The following NDFIP2 variants were observed in gnomAD, a reference collection of about 807,000 sequenced individuals.
NDFIP2 encodes Nedd4 family interacting protein 2, also known as NEDD4 family-interacting protein 2.
A neutral mutation model predicts 36.0 loss-of-function variants in NDFIP2; 19 were observed. The observed-to-expected ratio is 0.53, with a 90% CI of 0.37 to 0.77. NDFIP2 has a LOEUF of 0.77. Ranked by LOEUF, NDFIP2 falls within the 30% of genes least tolerant of loss-of-function variation. The pLI is 0.00. For missense variants in NDFIP2, 446 were observed against 435.8 expected, an observed-to-expected ratio of 1.02 and a Z score of -0.21; for synonymous variants, 181 against 167.7, an observed-to-expected ratio of 1.08 and a Z score of -0.61.
At chr13:79,518,473 A>C (rs989788954) in intron 1 of NDFIP2, among the ~76,000 whole-genome samples, 3 of 152,236 alleles carry the variant, frequency 2.0e-5, no homozygotes, top group African/African-American at 7.2e-5. Flanking sequence ...TGGAAAAAGC[A>C]ATGTGTAGTA....
chr13:79,517,073 T>A (rs905630502), intron 1 of NDFIP2, among the ~76,000 whole-genome samples: 1 of 152,186 alleles, frequency 6.6e-6, no homozygotes, highest in Admixed American at 6.5e-5. Context: ...TAGCCACAAA[T>A]GCTTTTAAGA....
In NDFIP2 at chr13:79,481,346, A is replaced by C. The variant is rs771230936; in HGVS notation, c.143A>C (p.Glu48Ala). 2 of 1,549,194 alleles carry C rather than the reference A, an allele frequency of 1.3e-6. No homozygotes were observed. The highest frequency in any genetic ancestry group is 1.2e-5 in the South Asian group (1 of 84,176). The change falls in exon 1 of 8, where the codon GAG (glutamate) becomes GCG (alanine). Residue 48 changes from glutamate to alanine, a missense_variant. Glu to Ala is a moderately radical substitution (Grantham distance 107). Around this residue, in one of 2 missense-constraint regions of NDFIP2, gnomAD observed 369 missense variants for 304.8 expected, o/e 1.21. Transcript: ENST00000218652. ...GCTGCGGGAGCCACAGGAAGTGAAG[A>C]GCTTCCGCCGGGAGACCGCGGCTGC... is the stretch of plus-strand genomic sequence containing the variant. ...AAAAGATGSE[E>A]LPPGDRGCRN... is the part of the protein sequence containing the mutation.
chr13:79,500,256 G>C (rs759046509), intron 1 of NDFIP2, among the ~76,000 whole-genome samples: 18 of 150,528 alleles, frequency 1.2e-4, no homozygotes, highest in African/African-American at 4.4e-4. Flanking sequence ...AAATGTAAAA[G>C]GCAAAACTAT....
At chr13:79,509,394 T>C (rs1873990145) in intron 1 of NDFIP2, among the ~76,000 whole-genome samples, 1 of 152,180 alleles carries the variant, frequency 6.6e-6, no homozygotes, top group South Asian at 2.1e-4. Flanking sequence ...AAAGAAGTTA[T>C]GATAAGAGGT....
chr13:79,537,434 A>G (rs1566666226), intron 3 of NDFIP2, among the ~76,000 whole-genome samples: 1 of 152,182 alleles, frequency 6.6e-6, no homozygotes, highest in Admixed American at 6.5e-5. Flanking sequence ...TAAAATACAC[A>G]GTATGAAATA....
intron 1 of NDFIP2, among the ~76,000 whole-genome samples, chr13:79,519,473 A>G (rs1874479209): frequency 6.6e-6 from 1 of 152,170 alleles, no homozygotes. Flanking sequence ...GCCATTTCAA[A>G]GTTTACCATA....
intron 1 of NDFIP2, among the ~76,000 whole-genome samples, chr13:79,496,628 C>T (rs1345220218): frequency 4.6e-5 from 7 of 151,540 alleles, no homozygotes; most frequent in Admixed American, 3.3e-4. Flanking sequence ...AAATGTTTTT[C>T]CTGCCCTAAT....
In NDFIP2 at chr13:79,555,408, G is replaced by A. The variant is rs1287975891; in HGVS notation, c.*2895G>A. ...GTACTCTCAAAAGTGTTCTAATTTG[G>A]AGGATAAGTTATATGATCATCCTGT... On this transcript the variant is annotated 3_prime_UTR_variant, in exon 8 of 8. Transcript: ENST00000218652. 6.6e-6 allele frequency: 1 copy of A among 151,216 alleles called. No individual in the cohort carries two copies. The highest frequency in any genetic ancestry group is 1.5e-5 in the Non-Finnish European group (1 of 67,740). 9.4% of individuals were successfully genotyped at this position (151,216 alleles called of 1,614,324 possible).
chr13:79,498,639 TGA>T (rs1198611327), intron 1 of NDFIP2, among the ~76,000 whole-genome samples: 12 of 152,086 alleles, frequency 7.9e-5, no homozygotes, highest in Admixed American at 4.6e-4. Context: ...GAAGAGATTA[TGA>T]GAGAGAAAGA....
Position 79,539,781 on chromosome 13 carries a change from T to C in NDFIP2, c.715+6T>C. Reference sequence around the variant, plus strand: ...TTTCATGCTGGCATTTTTCAGTAAGTAATCTTCCTAAACTATTTTGGGTTG... The same window carrying C: ...TTTCATGCTGGCATTTTTCAGTAAGCAATCTTCCTAAACTATTTTGGGTTG... On this transcript the variant is annotated splice_donor_region_variant and intron_variant, in intron 4 of 7. Transcript: ENST00000218652. 6.2e-7 allele frequency: 1 copy of C among 1,611,712 alleles called. No homozygotes were observed. Among genetic ancestry groups the C allele is most frequent in the South Asian group, 1.1e-5 (1 of 91,034 alleles).
chr13:79,543,819 C>T, intron 5 of NDFIP2, 137 bp downstream of exon 5: 1 of 1,077,240 alleles, frequency 9.3e-7, no homozygotes, highest in African/African-American at 1.6e-5. Flanking sequence ...TATACTTAAT[C>T]ATTATAGTGA....
chr13:79,481,163 A>G lies in NDFIP2; in HGVS notation c.-41A>G, dbSNP rs1447358014. 2.1e-6 allele frequency: 3 copies of G among 1,444,856 alleles called. No individual in the cohort carries two copies. Among genetic ancestry groups the G allele is most frequent in the Non-Finnish European group, 2.7e-6 (3 of 1,107,534 alleles). The allele number at this position is 1,444,856 out of a possible 1,614,324, so 89.5% of individuals were successfully genotyped here. On this transcript the variant is annotated 5_prime_UTR_variant, in exon 1 of 8. Coordinates refer to ENST00000218652, the MANE Select transcript of NDFIP2 (RefSeq NM_019080.3). ...TCCCCCGGACTTGCCTTACTTTTCCATCTCCTCCCACCCAGCTATACCCTC... is the reference window on the plus strand; with the variant it reads ...TCCCCCGGACTTGCCTTACTTTTCCGTCTCCTCCCACCCAGCTATACCCTC...
chr13:79,538,370 A>C (rs1356657982), intron 3 of NDFIP2, among the ~76,000 whole-genome samples: 1 of 152,128 alleles, frequency 6.6e-6, no homozygotes, highest in Non-Finnish European at 1.5e-5. Context: ...ATTAACTCAA[A>C]GAGTCAACAA....
intron 1 of NDFIP2, among the ~76,000 whole-genome samples, chr13:79,493,765 A>G (rs1873333459): frequency 6.6e-6 from 1 of 152,168 alleles, no homozygotes; most frequent in African/African-American, 2.4e-5. Context: ...CATGAATGGT[A>G]TAGCTTAAAA....
chr13:79,533,414 AGCT>A lies in NDFIP2; in HGVS notation c.585_587del (p.Ala196del), dbSNP rs1452648441. On this transcript the variant is annotated inframe_deletion, in exon 3 of 8. Transcript: ENST00000218652. ...CATACGATGAAGCTGAGAAGGCTAA[AGCT>A]GCTGCAATGGCAGCTGCAGCAGCAG... The A allele has an allele frequency of 6.2e-7, 1 of 1,611,262 alleles. No individual in the cohort carries two copies. Among genetic ancestry groups the A allele is most frequent in the East Asian group, 2.2e-5 (1 of 44,770 alleles).
intron 1 of NDFIP2, among the ~76,000 whole-genome samples, chr13:79,514,869 G>A (rs186406846): frequency 2.6e-5 from 4 of 152,032 alleles, no homozygotes; most frequent in African/African-American, 4.8e-5. Context: ...TGCATTCTTC[G>A]AAGTTGTTTG....
intron 1 of NDFIP2, among the ~76,000 whole-genome samples, chr13:79,482,169 CTTTTTTTTTT>C (rs10558361): frequency 5.0e-4 from 38 of 75,888 alleles, no homozygotes; most frequent in African/African-American, 1.7e-3. Context: ...TTCTTTCTTT[CTTTTTTTTTT>C]TTTTTTTTTT....
chr13:79,509,800 A>G (rs1312452235), intron 1 of NDFIP2, among the ~76,000 whole-genome samples: 2 of 152,126 alleles, frequency 1.3e-5, no homozygotes, highest in African/African-American at 4.8e-5. Context: ...CCCAAAACTG[A>G]AGAAGTTGGA....
At chr13:79,519,629 G>T (rs1874485206) in intron 1 of NDFIP2, among the ~76,000 whole-genome samples, 2 of 152,126 alleles carry the variant, frequency 1.3e-5, no homozygotes, top group Non-Finnish European at 2.9e-5. Flanking sequence ...AACAGTCTCT[G>T]TCTCCTAGGA....
Sources: gnomAD v4.1 joint callset for allele counts (sites outside exome capture counted in the v4.1 genomes callset) on GRCh38, gnomAD v4.1.1 for gene constraint, gnomAD v4.1.1 regional missense constraint, MANE v1.5 for transcripts, NCBI Gene and HGNC (gene_info 2026-07-23, HGNC 2026-07-21) for gene names.